Variants in CACNA2D3 observed in about 807,000 individuals in gnomAD.
CACNA2D3 encodes calcium voltage-gated channel auxiliary subunit alpha2delta 3.
A neutral mutation model predicts 160.6 loss-of-function variants in CACNA2D3; 60 were observed. The ratio of observed to expected loss-of-function variants is 0.37; its 90% CI spans 0.30 to 0.46. CACNA2D3 has a LOEUF of 0.46. Ranked by LOEUF, CACNA2D3 falls within the 20% of genes least tolerant of loss-of-function variation. The pLI is 1.00. For missense variants in CACNA2D3, 1,205 were observed against 1,365.0 expected (o/e 0.88, Z 1.85); for synonymous variants, 558 against 492.9 (o/e 1.13, Z -1.75).
At chr3:54,721,696 G>A (rs920305243) in intron 11 of CACNA2D3, among the ~76,000 whole-genome samples, 12 of 146,372 alleles carry the variant, frequency 8.2e-5, no homozygotes, top group African/African-American at 2.5e-4. Context: ...AGGAGGTGGA[G>A]TTTGCAGTGA....
chr3:54,849,680 C>T (rs537069198), intron 17 of CACNA2D3, among the ~76,000 whole-genome samples: 5 of 152,206 alleles, frequency 3.3e-5, no homozygotes, highest in East Asian at 3.9e-4. Context: ...GCCATATAAT[C>T]GAATCCTTAT....
Position 54,891,425 on chromosome 3 carries a change from G to C in CACNA2D3, c.2221G>C (p.Val741Leu), listed in dbSNP as rs1575534729. The change falls in exon 25 of 38, where the codon GTC becomes CTC. Residue 741 changes from valine to leucine, a missense_variant. Val to Leu is a conservative substitution (Grantham distance 32). Transcript: ENST00000474759. ...GGGCCTCTCCAGAATCAACCTGTTT[G>C]TCGGGGCTGAGCAGCTCACCAATCA... The part of the protein sequence containing the change: ...RTGLSRINLF[V>L]GAEQLTNQDF... 2 of 1,613,876 alleles carry C rather than the reference G, an allele frequency of 1.2e-6. No homozygotes were observed. The highest frequency in any genetic ancestry group is 1.7e-6 in the Non-Finnish European group (2 of 1,179,848).
Position 54,206,330 on chromosome 3 carries a change from A to G in CACNA2D3, c.204+82736A>G, listed in dbSNP as rs544191210. On this transcript the variant is annotated intron_variant, in intron 2 of 37. Transcript: ENST00000474759. The stretch of plus-strand genomic sequence containing the variant: ...GGCTCTGTCTGTATGCTCGGGGATG[A>G]GGTCAAACAGGTTTAACCCAGGGGA... Among the ~76,000 whole-genome samples, 15 of 152,302 alleles carry G rather than the reference A, an allele frequency of 9.8e-5. No individual in the cohort carries two copies. The South Asian group carries it at 3.1e-3, about 32-fold the overall frequency.
intron 5 of CACNA2D3, among the ~76,000 whole-genome samples, chr3:54,544,285 C>A (rs1181366235): frequency 1.3e-5 from 2 of 151,842 alleles, no homozygotes; most frequent in Non-Finnish European, 2.9e-5. Flanking sequence ...ATAATTCTAC[C>A]TTTTAATGGT....
In CACNA2D3 at chr3:54,884,923, G is replaced by A. The variant is rs112078767; in HGVS notation, c.1913-358G>A. Reference sequence around the variant, plus strand: ...ACACAGGAGGTCAGTGGCCTAGCCCGGTTCCCAACTTAGACTAAATGGAGC... The same window carrying A: ...ACACAGGAGGTCAGTGGCCTAGCCCAGTTCCCAACTTAGACTAAATGGAGC... On this transcript the variant is annotated intron_variant, in intron 21 of 37. Coordinates refer to ENST00000474759, the MANE Select transcript of CACNA2D3 (RefSeq NM_018398.3). Among the ~76,000 whole-genome samples the A allele has an allele frequency of 3.2e-3, 482 of 152,226 alleles. 3 individuals carry two copies. Among genetic ancestry groups the A allele is most frequent in the African/African-American group, 0.011 (463 of 41,536 alleles).
chr3:54,379,905 AC>A (rs1423537199), intron 3 of CACNA2D3, among the ~76,000 whole-genome samples: 1 of 151,340 alleles, frequency 6.6e-6, no homozygotes, highest in East Asian at 1.9e-4. Context: ...AAACCATCTT[AC>A]GTTTTTTTCA....
chr3:54,953,991 A>G (rs1444561860), intron 27 of CACNA2D3, among the ~76,000 whole-genome samples: 1 of 152,216 alleles, frequency 6.6e-6, no homozygotes, highest in African/African-American at 2.4e-5. Context: ...CAGGAGTGCC[A>G]TCCATGCAGT....
intron 3 of CACNA2D3, among the ~76,000 whole-genome samples, chr3:54,353,058 T>C (rs1175792468): frequency 1.3e-5 from 2 of 152,218 alleles, no homozygotes; most frequent in Non-Finnish European, 2.9e-5. Flanking sequence ...TCATTATTGA[T>C]TGTAGTCAGC....
At chr3:54,456,117 T>G (rs1700392601) in intron 4 of CACNA2D3, among the ~76,000 whole-genome samples, 1 of 152,156 alleles carries the variant, frequency 6.6e-6, no homozygotes, top group Non-Finnish European at 1.5e-5. Context: ...GAGATTGCAT[T>G]GAATCTGTAG....
At chr3:54,278,655 T>TA (rs1170112227) in intron 2 of CACNA2D3, among the ~76,000 whole-genome samples, 6 of 152,034 alleles carry the variant, frequency 3.9e-5, no homozygotes, top group Non-Finnish European at 7.4e-5. Flanking sequence ...TATGCAGCCA[T>TA]AAAAAAGAAT....
intron 27 of CACNA2D3, among the ~76,000 whole-genome samples, chr3:54,950,688 C>T (rs1056068686): frequency 1.9e-4 from 29 of 152,240 alleles, no homozygotes; most frequent in African/African-American, 1.7e-4. Flanking sequence ...TCTCTACTCA[C>T]GAAAGGAACC....
intron 13 of CACNA2D3, among the ~76,000 whole-genome samples, chr3:54,774,970 A>G (rs1160698072): frequency 6.6e-6 from 1 of 152,208 alleles, no homozygotes; most frequent in Admixed American, 6.5e-5. Context: ...ATTCCCAGAC[A>G]GGATCTCTCT....
chr3:55,036,122 A>G (rs1275439697), intron 35 of CACNA2D3, among the ~76,000 whole-genome samples: 1 of 152,102 alleles, frequency 6.6e-6, no homozygotes, highest in African/African-American at 2.4e-5. Context: ...ATTACATTAA[A>G]CCACTTGGCA....
chr3:54,995,416 A>G (rs762830215), intron 31 of CACNA2D3, among the ~76,000 whole-genome samples: 3 of 152,162 alleles, frequency 2.0e-5, no homozygotes, highest in Non-Finnish European at 4.4e-5. Flanking sequence ...AAGGAAGTCT[A>G]AAAATACTAA....
chr3:54,769,333 C>T (rs1055406745), intron 13 of CACNA2D3, among the ~76,000 whole-genome samples: 1 of 152,094 alleles, frequency 6.6e-6, no homozygotes, highest in Admixed American at 6.5e-5. Flanking sequence ...CTAGACTCCA[C>T]GAGCACTTGG....
intron 35 of CACNA2D3, among the ~76,000 whole-genome samples, chr3:55,024,404 T>G (rs1358922481): frequency 3.9e-5 from 6 of 152,058 alleles, no homozygotes; most frequent in African/African-American, 1.4e-4. Flanking sequence ...CCCCCCAAAA[T>G]CTACTTGTTG....
intron 11 of CACNA2D3, among the ~76,000 whole-genome samples, chr3:54,670,133 G>C (rs944812063): frequency 1.4e-4 from 21 of 152,138 alleles, no homozygotes; most frequent in Middle Eastern, 3.2e-3. Context: ...GAATTGCAAG[G>C]CTTCACAGTT....
At chr3:54,790,331 A>C (rs1394645396) in intron 13 of CACNA2D3, among the ~76,000 whole-genome samples, 1 of 152,138 alleles carries the variant, frequency 6.6e-6, no homozygotes, top group Non-Finnish European at 1.5e-5. Flanking sequence ...GTGGCAGCCA[A>C]AGTAGGGTTG....
intron 27 of CACNA2D3, among the ~76,000 whole-genome samples, chr3:54,961,467 A>G (rs1444332289): frequency 6.6e-6 from 1 of 152,214 alleles, no homozygotes; most frequent in African/African-American, 2.4e-5. Flanking sequence ...TAAAACTACA[A>G]TTTTCTACTA....
Sources: allele counts gnomAD v4.1 joint callset (sites outside exome capture counted in the v4.1 genomes callset), GRCh38; gene constraint gnomAD v4.1.1; transcripts MANE v1.5; gene names NCBI Gene and HGNC (gene_info 2026-07-23, HGNC 2026-07-21).